The following SATB2 variants were observed in gnomAD, a reference collection of about 807,000 sequenced individuals.
The protein encoded by SATB2 is SATB homeobox 2, also known as DNA-binding protein SATB2.
In SATB2, 1 loss-of-function variant was observed where a neutral mutation model predicts 73.4. The ratio of observed to expected loss-of-function variants is 0.01; its 90% CI spans 0.00 to 0.06. The LOEUF (loss-of-function observed/expected upper bound fraction) is 0.06, where lower values mean the gene tolerates loss of function less well. SATB2 is among the 10% of genes least tolerant of loss of function. SATB2 has a pLI of 1.00. For missense variants in SATB2, 459 were observed against 945.8 expected (o/e 0.49, Z 6.75); for synonymous variants, 397 against 367.0 (o/e 1.08, Z -0.93).
rs1271071142 is a variant in SATB2, at chr2:199,271,459, G to C, written c.*752C>G. ...TGTATCATTTTAATGTGCCCTGATTGTTTTCACTTCACTTTTTTTTTTTTC... is the reference window on the plus strand; with the variant it reads ...TGTATCATTTTAATGTGCCCTGATTCTTTTCACTTCACTTTTTTTTTTTTC... On this transcript the variant is annotated 3_prime_UTR_variant, in exon 11 of 11. Transcript: ENST00000417098. 1 of 144,070 alleles carries C rather than the reference G, an allele frequency of 6.9e-6. No homozygotes were observed. The highest frequency in any genetic ancestry group is 2.0e-4 in the East Asian group (1 of 5,028). The allele number at this position is 144,070 out of a possible 1,614,324, so 8.9% of individuals were successfully genotyped here.
rs1260432194 is a variant in SATB2 at position 199,271,516 on chromosome 2, C to G, written c.*695G>C. ...GTCGTTTATTTTGTTAAATACATAC[C>G]TCAAAAATTACCCATTAAGCTGCCA... On this transcript the variant is annotated 3_prime_UTR_variant, in exon 11 of 11. Transcript: ENST00000417098. 6.7e-6 allele frequency: 1 copy of G among 148,780 alleles called. No individual in the cohort carries two copies. 9.2% of individuals were successfully genotyped at this position (148,780 alleles called of 1,614,324 possible). A position where few individuals can be genotyped will look rare whatever the true frequency, so the allele number is the denominator to read the frequency against.
At chr2:199,300,258 A>T (rs1687242832) in intron 10 of SATB2, among the ~76,000 whole-genome samples, 1 of 151,996 alleles carries the variant, frequency 6.6e-6, no homozygotes, top group Non-Finnish European at 1.5e-5. Context: ...TGAGTTGACC[A>T]ATAGGACAAC....
intron 6 of SATB2, among the ~76,000 whole-genome samples, chr2:199,354,333 G>A (rs1688910275): frequency 6.6e-6 from 1 of 152,174 alleles, no homozygotes; most frequent in South Asian, 2.1e-4. Context: ...TCCAGCCTGG[G>A]TGACAGAGTG....
At chr2:199,462,033 C>T (rs1260449361), upstream of SATB2, among the ~76,000 whole-genome samples, 1 of 152,194 alleles carries the variant, frequency 6.6e-6, no homozygotes, top group Non-Finnish European at 1.5e-5. This position sits in a 1 kb window ranked among gnomAD's most constrained non-coding sequence, Gnocchi z 5.9. Context: ...TGGGCCATCC[C>T]GGGCTCTGAG....
At chr2:199,399,861 G>A (rs951642095) in intron 3 of SATB2, among the ~76,000 whole-genome samples, 1 of 152,076 alleles carries the variant, frequency 6.6e-6, no homozygotes, top group Non-Finnish European at 1.5e-5. Context: ...CTCCAACATT[G>A]GGGATTATAT....
At chr2:199,458,269 A>G (rs1247273267), upstream of SATB2, 1 of 226,472 alleles carries the variant, frequency 4.4e-6, no homozygotes, top group Non-Finnish European at 8.9e-6. Flanking sequence ...ATTAAACATC[A>G]ATCAATCAAT....
At chr2:199,290,531 A>G (rs902880052) in intron 10 of SATB2, among the ~76,000 whole-genome samples, 4 of 152,232 alleles carry the variant, frequency 2.6e-5, no homozygotes, top group African/African-American at 9.6e-5. Context: ...CTATGTAGGC[A>G]CTCACTAAAA....
upstream of SATB2, among the ~76,000 whole-genome samples, chr2:199,466,128 C>T (rs1007404827): frequency 6.6e-6 from 1 of 152,090 alleles, no homozygotes; most frequent in South Asian, 2.1e-4. Flanking sequence ...TCCGGAGACC[C>T]GGAGTTACTT....
chr2:199,448,549 G>A (rs1033659766), intron 2 of SATB2, among the ~76,000 whole-genome samples: 11 of 152,116 alleles, frequency 7.2e-5, no homozygotes, highest in Admixed American at 2.6e-4. Flanking sequence ...CTGTTTCTAC[G>A]ACAAACCCCT....
intron 10 of SATB2, among the ~76,000 whole-genome samples, chr2:199,276,356 G>GTGTTA (rs1037207905): frequency 3.9e-5 from 6 of 152,106 alleles, no homozygotes; most frequent in Non-Finnish European, 5.9e-5. Flanking sequence ...TTTCGATTTG[G>GTGTTA]TGTTTTGTTT....
chr2:199,428,764 G>C (rs1014091375), intron 3 of SATB2, among the ~76,000 whole-genome samples: 4 of 152,090 alleles, frequency 2.6e-5, no homozygotes, highest in Admixed American at 6.6e-5. Flanking sequence ...GGGTATAGTG[G>C]CTCACACCTT....
intron 10 of SATB2, among the ~76,000 whole-genome samples, chr2:199,280,976 G>C (rs1316907773): frequency 6.6e-6 from 1 of 152,046 alleles, no homozygotes; most frequent in African/African-American, 2.4e-5. Context: ...GGGGCATCAG[G>C]GAACCTGCTG....
chr2:199,428,608 G>A (rs1449064), intron 3 of SATB2, among the ~76,000 whole-genome samples: 88,794 of 152,064 alleles, frequency 0.58, 29,425 homozygotes, highest in Non-Finnish European at 0.74. Flanking sequence ...TTCCTCTTCT[G>A]TGAAACGGGA....
chr2:199,279,855 T>C (rs1297287043), intron 10 of SATB2, among the ~76,000 whole-genome samples: 1 of 152,218 alleles, frequency 6.6e-6, no homozygotes, highest in Non-Finnish European at 1.5e-5. Flanking sequence ...AAAAATATAC[T>C]TAAGGTCAGG....
chr2:199,339,530 T>C (rs1392758255), intron 7 of SATB2, among the ~76,000 whole-genome samples: 1 of 152,198 alleles, frequency 6.6e-6, no homozygotes, highest in African/African-American at 2.4e-5. Context: ...TATTTACAGC[T>C]CATCTTTCAG....
At chr2:199,316,784 C>T (rs1687747260) in intron 9 of SATB2, among the ~76,000 whole-genome samples, 1 of 152,046 alleles carries the variant, frequency 6.6e-6, no homozygotes, top group Admixed American at 6.6e-5. Flanking sequence ...TAAATACGTA[C>T]AAACACACAT....
chr2:199,405,321 T>C (rs1456336189), intron 3 of SATB2, among the ~76,000 whole-genome samples: 1 of 152,048 alleles, frequency 6.6e-6, no homozygotes, highest in East Asian at 1.9e-4. Context: ...CAATGACAAA[T>C]GGACTTAAGT....
chr2:199,459,599 T>G (rs184692081), upstream of SATB2: 422 of 152,848 alleles, frequency 2.8e-3, 2 homozygotes, highest in Non-Finnish European at 4.9e-3. The surrounding 1 kb of genome is among the most constrained non-coding windows in gnomAD (Gnocchi z 4.2). Flanking sequence ...TGGTTGCACC[T>G]CATGTCCCTC....
chr2:199,277,911 C>T (rs1273343404), intron 10 of SATB2, among the ~76,000 whole-genome samples: 1 of 152,198 alleles, frequency 6.6e-6, no homozygotes, highest in Admixed American at 6.5e-5. Flanking sequence ...AGCAGCAGAA[C>T]TGGGCTTGTC....
Sources: gnomAD v4.1 joint callset for allele counts (sites outside exome capture counted in the v4.1 genomes callset) on GRCh38, gnomAD v4.1.1 for gene constraint, Gnocchi (gnomAD v3.1) non-coding constraint, MANE v1.5 for transcripts, NCBI Gene and HGNC (gene_info 2026-07-23, HGNC 2026-07-21) for gene names.